The following UBAP2L variants were observed in gnomAD, a reference collection of about 807,000 sequenced individuals.
The protein encoded by UBAP2L is ubiquitin-associated protein 2-like.
Under a neutral mutation model 130.6 loss-of-function variants are expected in UBAP2L, and 12 were observed. The observed-to-expected ratio is 0.09, with a 90% confidence interval of 0.06 to 0.15. The LOEUF is 0.15. UBAP2L is among the 10% of genes least tolerant of loss of function. UBAP2L has a pLI of 1.00. For missense variants in UBAP2L, 965 were observed against 1,332.5 expected, an observed-to-expected ratio of 0.72 and a Z score of 4.29; for synonymous variants, 503 against 524.7, an observed-to-expected ratio of 0.96 and a Z score of 0.57.
chr1:154,270,352 CTA>C lies in UBAP2L; in HGVS notation c.*59_*60del. On this transcript the variant is annotated 3_prime_UTR_variant, in exon 27 of 27. Coordinates refer to ENST00000428931, the MANE Select transcript of UBAP2L (RefSeq NM_014847.4). ...CTGAGAGGGCTTCTCAGCCTGGAAA[CTA>C]TGGAAACAGCATCAAAGAGAAAGGA... is the stretch of plus-strand genomic sequence containing the variant. 6.2e-7 allele frequency: 1 copy of C among 1,611,298 alleles called. No individual in the cohort carries two copies. The highest frequency in any genetic ancestry group is 1.1e-5 in the South Asian group (1 of 90,886).
intron 2 of UBAP2L, among the ~76,000 whole-genome samples, chr1:154,226,380 G>A (rs1300168885): frequency 1.3e-5 from 2 of 152,180 alleles, no homozygotes; most frequent in Non-Finnish European, 2.9e-5. Context: ...CTCATACCAG[G>A]TTGATGTTAG....
chr1:154,234,895 G>T, intron 5 of UBAP2L, 136 bp downstream of exon 5: 1 of 1,209,196 alleles, frequency 8.3e-7, no homozygotes, highest in South Asian at 1.4e-5. Flanking sequence ...TCTGTTCTGA[G>T]ACCTTGACAT....
In UBAP2L at chr1:154,257,108, A is replaced by G. The variant is rs1361188956; in HGVS notation, c.2203A>G (p.Thr735Ala). The change falls in exon 19 of 27, where the codon ACT becomes GCT. Residue 735 changes from threonine to alanine, a missense_variant. By Grantham distance (58) the Thr-to-Ala change is moderately conservative. Around this residue, in one of 9 missense-constraint regions of UBAP2L, gnomAD observed 393 missense variants for 408.1 expected, o/e 0.96. Coordinates refer to ENST00000428931, the MANE Select transcript of UBAP2L (RefSeq NM_014847.4). ...SEANLHSSSS[T>A]FSTTSSTVSA... ...GGCGAATCTCCATTCTTCCTCCAGCACTTTTTCCACCACATCCAGCACAGT... is the reference window on the plus strand; with the variant it reads ...GGCGAATCTCCATTCTTCCTCCAGCGCTTTTTCCACCACATCCAGCACAGT... The G allele has an allele frequency of 6.2e-7, 1 of 1,614,090 alleles. No homozygotes were observed. Among genetic ancestry groups the G allele is most frequent in the Non-Finnish European group, 8.5e-7 (1 of 1,180,036 alleles).
chr1:154,265,662 G>A (rs1230014981), intron 24 of UBAP2L, among the ~76,000 whole-genome samples: 1 of 152,038 alleles, frequency 6.6e-6, no homozygotes, highest in Non-Finnish European at 1.5e-5. Flanking sequence ...AGAATGACAT[G>A]TTGTACTACT....
At chr1:154,249,930 T>C (rs2148867509) in intron 12 of UBAP2L, among the ~76,000 whole-genome samples, 1 of 151,232 alleles carries the variant, frequency 6.6e-6, no homozygotes, top group Admixed American at 6.6e-5. Flanking sequence ...TTGATTGGGG[T>C]TTTAATTATT....
At chr1:154,246,873 TA>T (rs567151046) in intron 11 of UBAP2L, among the ~76,000 whole-genome samples, 1 of 152,224 alleles carries the variant, frequency 6.6e-6, no homozygotes, top group Non-Finnish European at 1.5e-5. Context: ...TAAATAGGGA[TA>T]AAAGTGCTAG....
Position 154,270,774 on chromosome 1 carries a change from T to TC in UBAP2L, c.*479_*480insC. ...AGTTGAAGTGGTTTTTTTTTTGTTT[T>TC]TTTTTTTTTTTTGTACTGTGTCCTC... On this transcript the variant is annotated 3_prime_UTR_variant, in exon 27 of 27. Coordinates refer to ENST00000428931, the MANE Select transcript of UBAP2L (RefSeq NM_014847.4). 8.2e-7 allele frequency: 1 copy of TC among 1,219,976 alleles called. No individual in the cohort carries two copies. The highest frequency in any genetic ancestry group is 3.7e-5 in the East Asian group (1 of 27,348). 75.6% of individuals were successfully genotyped at this position (1,219,976 alleles called of 1,614,324 possible).
At chr1:154,225,543 A>G (rs1001410146) in intron 2 of UBAP2L, among the ~76,000 whole-genome samples, 8 of 151,192 alleles carry the variant, frequency 5.3e-5, no homozygotes, top group African/African-American at 1.9e-4. Flanking sequence ...GTCACCATTC[A>G]TTTGTAGCCT....
Position 154,228,816 on chromosome 1 carries a change from G to A in UBAP2L, c.279+91G>A, listed in dbSNP as rs182978915. ...GTAGCAAATGGCAACATACCTTAAA[G>A]CAGAGCACCTTTTTCTTGAAGTAAA... On this transcript the variant is annotated intron_variant, in intron 4 of 26. Coordinates refer to ENST00000428931, the MANE Select transcript of UBAP2L (RefSeq NM_014847.4). 8.0e-6 allele frequency: 7 copies of A among 879,986 alleles called. No individual in the cohort carries two copies. The Admixed American group carries it at 1.3e-4, about 16-fold the overall frequency. The allele number at this position is 879,986 out of a possible 1,614,324, so 54.5% of individuals were successfully genotyped here. A position where few individuals can be genotyped will look rare whatever the true frequency, so the allele number is the denominator to read the frequency against.
chr1:154,220,674 A>C (rs1378083055), upstream of UBAP2L: 2 of 530,524 alleles, frequency 3.8e-6, no homozygotes, highest in Non-Finnish European at 6.8e-6. Flanking sequence ...ACGCGGAACT[A>C]CGACAGTAAG....
intron 17 of UBAP2L, 90 bp downstream of exon 17, chr1:154,255,416 C>A: frequency 6.7e-7 from 1 of 1,482,814 alleles, no homozygotes; most frequent in Non-Finnish European, 9.1e-7. Context: ...TGGCAGAGAC[C>A]ACATTAGCCC....
At chr1:154,249,525 C>A in intron 12 of UBAP2L, 88 bp downstream of exon 12, 1 of 1,526,178 alleles carries the variant, frequency 6.6e-7, no homozygotes, top group South Asian at 1.2e-5. Context: ...GAGAATGTGT[C>A]CTGAAGTGAA....
At chr1:154,251,765 G>GCTT in intron 14 of UBAP2L, 112 bp downstream of exon 14, 3 of 1,217,604 alleles carry the variant, frequency 2.5e-6, no homozygotes, top group Non-Finnish European at 3.4e-6. Context: ...TGGCTGAGGG[G>GCTT]GAAAGTAGTC....
chr1:154,267,109 A>G, intron 25 of UBAP2L, among the ~76,000 whole-genome samples: 1 of 151,874 alleles, frequency 6.6e-6, no homozygotes, highest in Non-Finnish European at 1.5e-5. Context: ...CAGCACTTCA[A>G]ATATCTCAGT....
At chr1:154,223,454 C>T (rs1666956050) in intron 1 of UBAP2L, among the ~76,000 whole-genome samples, 2 of 151,802 alleles carry the variant, frequency 1.3e-5, no homozygotes, top group African/African-American at 4.8e-5. Flanking sequence ...TTCCTCTCGT[C>T]TTTATATATA....
At chr1:154,233,856 C>T (rs1461508531) in intron 4 of UBAP2L, among the ~76,000 whole-genome samples, 2 of 146,672 alleles carry the variant, frequency 1.4e-5, no homozygotes, top group African/African-American at 5.5e-5. Context: ...TCACTGACTC[C>T]GAAGGAAATT....
intron 24 of UBAP2L, among the ~76,000 whole-genome samples, chr1:154,266,174 T>C (rs1344285484): frequency 6.6e-6 from 1 of 152,188 alleles, no homozygotes; most frequent in Admixed American, 6.5e-5. Flanking sequence ...TAAAAGTTTA[T>C]TATATTCCTG....
intron 20 of UBAP2L, 110 bp from the exon 21 acceptor site, chr1:154,258,867 C>G: frequency 1.1e-6 from 1 of 872,728 alleles, no homozygotes; most frequent in Non-Finnish European, 1.9e-6. Context: ...GTGTCCTGTT[C>G]TAACCCAGAA....
At chr1:154,236,638 A>AT (rs773466636) in intron 7 of UBAP2L, 27 bp downstream of exon 7, 15 of 1,612,708 alleles carry the variant, frequency 9.3e-6, no homozygotes, top group African/African-American at 2.7e-5. Flanking sequence ...TAGTGTCTTA[A>AT]TTTTTTTTCC....
Sources: gnomAD v4.1 joint callset for allele counts (sites outside exome capture counted in the v4.1 genomes callset) on GRCh38, gnomAD v4.1.1 for gene constraint, gnomAD v4.1.1 regional missense constraint, MANE v1.5 for transcripts, NCBI Gene and HGNC (gene_info 2026-07-23, HGNC 2026-07-21) for gene names.